Variants in PDZD8 observed in about 807,000 individuals in gnomAD.
The protein encoded by PDZD8 is PDZ domain-containing protein 8.
Under a neutral mutation model 85.8 loss-of-function variants are expected in PDZD8, and 14 were observed. The observed-to-expected ratio is 0.16, with a 90% CI of 0.11 to 0.26. The LOEUF (loss-of-function observed/expected upper bound fraction) is 0.26. PDZD8 is among the 10% of genes least tolerant of loss of function. The pLI, the probability that PDZD8 is intolerant of heterozygous loss-of-function variation, is 1.00. For synonymous variants in PDZD8, 592 were observed against 568.6 expected (o/e 1.04, Z -0.59); for missense variants, 1,197 against 1,424.3 (o/e 0.84, Z 2.57).
chr10:117,323,314 A>G (rs767534130), intron 2 of PDZD8, among the ~76,000 whole-genome samples: 1 of 152,242 alleles, frequency 6.6e-6, no homozygotes, highest in Admixed American at 6.5e-5. Flanking sequence ...TAAAAATGCA[A>G]GATAATCCTC....
chr10:117,291,141 T>A (rs1844754067), intron 3 of PDZD8, among the ~76,000 whole-genome samples: 1 of 152,134 alleles, frequency 6.6e-6, no homozygotes. Context: ...CCCAAAGTGC[T>A]AGGATTAAAG....
chr10:117,326,464 C>T (rs1192896242), intron 2 of PDZD8, among the ~76,000 whole-genome samples: 1 of 152,214 alleles, frequency 6.6e-6, no homozygotes, highest in Non-Finnish European at 1.5e-5. Context: ...TAATGAGACT[C>T]TCACCTCTCT....
chr10:117,366,983 G>T lies in PDZD8; in HGVS notation c.872+7373C>A, dbSNP rs79313757. 1.6e-3 allele frequency among the ~76,000 whole-genome samples: 244 copies of T among 152,322 alleles called. 3 individuals carry two copies. The East Asian group carries it at 0.017, about 11-fold the overall frequency. ...ATATGATAGATTGTTAGTAATACTT[G>T]TAAGTCAACGTTTAGTATTTGATCA... On this transcript the variant is annotated intron_variant, in intron 1 of 4. Transcript: ENST00000334464.
intron 1 of PDZD8, among the ~76,000 whole-genome samples, chr10:117,360,422 A>G (rs1187538382): frequency 6.6e-6 from 1 of 151,870 alleles, no homozygotes; most frequent in Non-Finnish European, 1.5e-5. Flanking sequence ...GCAAATCCAA[A>G]CTCTTATTCT....
chr10:117,336,774 TA>T (rs1564704271), intron 2 of PDZD8, among the ~76,000 whole-genome samples: 1 of 150,874 alleles, frequency 6.6e-6, no homozygotes, highest in Non-Finnish European at 1.5e-5. Flanking sequence ...TTGAGAAAAA[TA>T]AAAATTCATG....
At position 117,375,079 on chromosome 10, in the gene PDZD8, G is replaced by C. The variant is rs1418232167; in HGVS notation, c.149C>G (p.Pro50Arg). The change falls in exon 1 of 5, where the codon CCA (proline) becomes CGA (arginine). Residue 50 changes from proline (P) to arginine (R), a missense_variant. Transcript: ENST00000334464. The stretch of plus-strand genomic sequence containing the variant: ...CTCCCTTAGGAGCAGGCCCGGCACT[G>C]GCTTGATGTAGCGGAAGCCCTCGCC... ...RAGEGFRYIK[P>R]VPGLLLREYL... is the part of the protein sequence containing the mutation. 6.2e-7 allele frequency: 1 copy of C among 1,600,790 alleles called. No individual in the cohort carries two copies. Among genetic ancestry groups the C allele is most frequent in the Non-Finnish European group, 8.5e-7 (1 of 1,177,326 alleles).
intron 2 of PDZD8, among the ~76,000 whole-genome samples, chr10:117,325,037 C>T (rs912305637): frequency 4.6e-5 from 7 of 152,212 alleles, no homozygotes; most frequent in Middle Eastern, 3.4e-3. Flanking sequence ...TAGTACCAAG[C>T]TTTGACTGGA....
Position 117,281,325 on chromosome 10 carries a change from G to A in PDZD8, c.*1943C>T, listed in dbSNP as rs1435395123. 8.5e-6 allele frequency: 1 copy of A among 118,300 alleles called. No individual in the cohort carries two copies. Among genetic ancestry groups the A allele is most frequent in the Non-Finnish European group, 1.6e-5 (1 of 61,366 alleles). The allele number at this position is 118,300 out of a possible 1,614,324, so 7.3% of individuals were successfully genotyped here. ...GCCGAGATCATGCCACTGCACTCCA[G>A]CCTGGGAGACAGCGAGACTCTGTCT... is the stretch of plus-strand genomic sequence containing the variant. On this transcript the variant is annotated 3_prime_UTR_variant, in exon 5 of 5. Transcript: ENST00000334464.
chr10:117,319,123 T>C (rs1844181554), intron 2 of PDZD8, 149 bp from the exon 3 acceptor site: 2 of 618,166 alleles, frequency 3.2e-6, no homozygotes, highest in Admixed American at 3.2e-5. Context: ...AAATATTTTA[T>C]ACACCCTCTA....
At position 117,374,625 on chromosome 10, in the gene PDZD8, GC is replaced by G; in HGVS notation, c.602del (p.Gly201AlafsTer50). Reference protein sequence around the residue: ...AFEAEVEYNGGFHLAIDVDLV... With the variant: ...AFEAEVEYNGXFHLAIDVDLV... ...GGTCCACGTCGATGGCCAGGTGGAA[GC>G]CCCCGTTGTACTCCACCTCCGCCTC... is the stretch of plus-strand genomic sequence containing the variant. On this transcript the variant is annotated frameshift_variant, in exon 1 of 5. Transcript: ENST00000334464. LOFTEE classifies it high-confidence loss of function. The surrounding 1 kb of genome is among the most constrained non-coding windows in gnomAD (Gnocchi z 7.8). 6.3e-7 allele frequency: 1 copy of G among 1,583,954 alleles called. No individual in the cohort carries two copies. The highest frequency in any genetic ancestry group is 8.6e-7 in the Non-Finnish European group (1 of 1,164,676).
intron 3 of PDZD8, among the ~76,000 whole-genome samples, chr10:117,296,758 T>C (rs1052020824): frequency 6.6e-6 from 1 of 152,014 alleles, no homozygotes; most frequent in Admixed American, 6.6e-5. Flanking sequence ...AAAGTGAACC[T>C]TGACTCACAC....
chr10:117,368,929 C>T (rs60805559), intron 1 of PDZD8, among the ~76,000 whole-genome samples: 3,181 of 141,250 alleles, frequency 0.023, 123 homozygotes, highest in African/African-American at 0.078. Flanking sequence ...AATCTTGGCT[C>T]ACTGCAACCT....
chr10:117,284,563 C>T lies in PDZD8; in HGVS notation c.2170G>A (p.Gly724Arg), dbSNP rs1844626311. The T allele has an allele frequency of 6.2e-7, 1 of 1,614,012 alleles. No homozygotes were observed. Among genetic ancestry groups the T allele is most frequent in the African/African-American group, 1.3e-5 (1 of 74,904 alleles). The change falls in exon 5 of 5, where the codon GGA (glycine) becomes AGA (arginine). Residue 724 changes from glycine to arginine, a missense_variant. Gly to Arg is a moderately radical substitution (Grantham distance 125). Transcript: ENST00000334464. ...ACATGCCCCAAACAGATGAGACCTC[C>T]CAACTTGAAAGGATCCCTGCACCAC... Reference protein sequence around the residue: ...ALWCRDPFKLGGLICLGHVSL... With the variant: ...ALWCRDPFKLRGLICLGHVSL...
intron 3 of PDZD8, among the ~76,000 whole-genome samples, chr10:117,300,023 G>C (rs1290241032): frequency 1.3e-5 from 2 of 151,800 alleles, no homozygotes; most frequent in African/African-American, 4.8e-5. Flanking sequence ...TTTGTAGACT[G>C]GCCAGGGAAC....
chr10:117,320,447 T>G (rs909307146), intron 2 of PDZD8, among the ~76,000 whole-genome samples: 12 of 152,116 alleles, frequency 7.9e-5, no homozygotes, highest in African/African-American at 2.9e-4. Context: ...ACTTTAAAAA[T>G]GTTTTTAGAA....
At chr10:117,316,942 T>C (rs892377494) in intron 3 of PDZD8, among the ~76,000 whole-genome samples, 1 of 152,196 alleles carries the variant, frequency 6.6e-6, no homozygotes, top group African/African-American at 2.4e-5. Flanking sequence ...GGCTGACATG[T>C]GCTTTTGGCC....
chr10:117,284,697 C>G lies in PDZD8; in HGVS notation c.2036G>C (p.Trp679Ser). 1 of 1,614,194 alleles carries G rather than the reference C, an allele frequency of 6.2e-7. No individual in the cohort carries two copies. Among genetic ancestry groups the G allele is most frequent in the Non-Finnish European group, 8.5e-7 (1 of 1,180,014 alleles). Residue 679 changes from tryptophan to serine, a missense_variant, in exon 5 of 5, where the codon TGG (tryptophan) becomes TCG (serine). Trp to Ser is a radical substitution (Grantham distance 177). Transcript: ENST00000334464. ...ACGATAAAGAATTTCTGATGATTCCCATGTTTGACGGTCGTCCGAACTGTC... is the reference window on the plus strand; with the variant it reads ...ACGATAAAGAATTTCTGATGATTCCGATGTTTGACGGTCGTCCGAACTGTC... ...TKDSSDDRQT[W>S]ESSEILYRNK...
At chr10:117,306,855 C>G (rs781035900) in intron 3 of PDZD8, among the ~76,000 whole-genome samples, 10 of 152,162 alleles carry the variant, frequency 6.6e-5, no homozygotes, top group African/African-American at 1.2e-4. Context: ...ATAAGTTATA[C>G]ATATGATGTC....
intron 2 of PDZD8, among the ~76,000 whole-genome samples, chr10:117,336,395 G>A (rs1047211317): frequency 8.5e-5 from 13 of 152,130 alleles, no homozygotes; most frequent in Non-Finnish European, 1.6e-4. Context: ...CCTCTGAAGA[G>A]GTCTATGAAT....
Sources: gnomAD v4.1 joint callset for allele counts (sites outside exome capture counted in the v4.1 genomes callset) on GRCh38, gnomAD v4.1.1 for gene constraint, Gnocchi (gnomAD v3.1) non-coding constraint, MANE v1.5 for transcripts, NCBI Gene and HGNC (gene_info 2026-07-23, HGNC 2026-07-21) for gene names.